The following PUDP variants were observed in gnomAD, a reference collection of about 807,000 sequenced individuals.
The protein encoded by PUDP is pseudouridine 5'-phosphatase.
Under a neutral mutation model 9.4 loss-of-function variants are expected in PUDP, and 8 were observed. The ratio of observed to expected loss-of-function variants is 0.85; its 90% CI spans 0.50 to 1.53. The LOEUF is 1.53. Ranked by LOEUF, PUDP falls within the 40% of genes most tolerant of loss-of-function variation. The pLI is 0.00. For missense variants in PUDP, 188 were observed against 189.7 expected (o/e 0.99, Z 0.05); for synonymous variants, 99 against 80.7 (o/e 1.23, Z -1.22).
At chrX:6,743,600 G>C (rs974981723) in intron 3 of PUDP, among the ~76,000 whole-genome samples, 1 of 112,031 alleles carries the variant, frequency 8.9e-6, no homozygotes, top group Non-Finnish European at 1.9e-5. Context: ...GGGGACATGA[G>C]AGCATGCAAG....
At chrX:7,057,461 T>G in intron 3 of PUDP, 1 of 357,738 alleles carries the variant, frequency 2.8e-6, no homozygotes, top group Non-Finnish European at 4.7e-6. Flanking sequence ...ACAAGAGCAA[T>G]GAATAAAAAT....
At chrX:6,882,195 C>A (rs886643753) in intron 3 of PUDP, among the ~76,000 whole-genome samples, 2 of 110,654 alleles carry the variant, frequency 1.8e-5, no homozygotes, top group Non-Finnish European at 3.8e-5. Flanking sequence ...TTGTGTATCA[C>A]GTGAGACATT....
At chrX:6,749,496 T>C (rs1354509189) in intron 3 of PUDP, among the ~76,000 whole-genome samples, 1 of 111,387 alleles carries the variant, frequency 9.0e-6, no homozygotes, top group Admixed American at 9.5e-5. Context: ...TAACTGAAGC[T>C]GAATTGCAGG....
intron 1 of PUDP, among the ~76,000 whole-genome samples, chrX:7,040,163 C>T (rs1247354273): frequency 8.9e-6 from 1 of 111,954 alleles, no homozygotes; most frequent in East Asian, 2.8e-4. Context: ...CCTTGGCCTG[C>T]ATCCCCACCC....
chrX:6,827,259 T>A (rs5948766), intron 3 of PUDP, among the ~76,000 whole-genome samples: 1 of 110,468 alleles, frequency 9.1e-6, no homozygotes, highest in Non-Finnish European at 1.9e-5. Flanking sequence ...AGGTTCTTGG[T>A]GTCTTGAACA....
chrX:6,865,604 C>A (rs966557624), intron 3 of PUDP, among the ~76,000 whole-genome samples: 1 of 111,950 alleles, frequency 8.9e-6, no homozygotes, highest in African/African-American at 3.2e-5. Context: ...ATTATGTGAA[C>A]AAGTCATTGA....
intron 3 of PUDP, among the ~76,000 whole-genome samples, chrX:6,792,855 C>A (rs1925772798): frequency 8.9e-6 from 1 of 112,664 alleles, no homozygotes; most frequent in Non-Finnish European, 1.9e-5. Flanking sequence ...GGTGAAAAGT[C>A]TTTTCTCTCT....
chrX:6,883,499 G>C (rs1346658040), intron 3 of PUDP, among the ~76,000 whole-genome samples: 1 of 97,280 alleles, frequency 1.0e-5, no homozygotes, highest in African/African-American at 3.9e-5. Flanking sequence ...TCCAGCCTGG[G>C]AGATGGAGTG....
intron 3 of PUDP, among the ~76,000 whole-genome samples, chrX:6,831,782 A>T (rs745594126): frequency 1.2e-4 from 13 of 112,085 alleles, no homozygotes; most frequent in Non-Finnish European, 1.9e-4. Flanking sequence ...ACCTTCTTGA[A>T]ATAGTAAAAG....
At chrX:7,044,244 G>C (rs1418314641), downstream of PUDP, among the ~76,000 whole-genome samples, 1 of 112,295 alleles carries the variant, frequency 8.9e-6, no homozygotes, top group Non-Finnish European at 1.9e-5. Context: ...TCCCCAAGTA[G>C]TAGGCATCTC....
rs191645228 is a variant in PUDP at position 6,809,888 on chromosome X, T to C, written c.*248-103422A>G. Among the ~76,000 whole-genome samples the C allele has an allele frequency of 6.7e-4, 74 of 110,475 alleles. 1 individual carries two copies. The East Asian group carries it at 0.015, about 22-fold the overall frequency. On this transcript the variant is annotated intron_variant and NMD_transcript_variant, in intron 3 of 3. Coordinates refer to the PUDP transcript ENST00000655425. ...AGAGGACATCAGAGCCTGAGCAACATAGCGAGACCCAGTCTCTACAAAAAA... is the reference window on the plus strand; with the variant it reads ...AGAGGACATCAGAGCCTGAGCAACACAGCGAGACCCAGTCTCTACAAAAAA...
intron 3 of PUDP, among the ~76,000 whole-genome samples, chrX:6,743,507 C>T (rs1209025246): frequency 3.6e-5 from 4 of 112,344 alleles, no homozygotes; most frequent in Non-Finnish European, 7.5e-5. Flanking sequence ...CACTTCCATG[C>T]TTTCCATTGC....
At chrX:6,992,032 GC>G (rs1377828474) in intron 1 of PUDP, among the ~76,000 whole-genome samples, 1 of 110,846 alleles carries the variant, frequency 9.0e-6, no homozygotes, top group African/African-American at 3.3e-5. Flanking sequence ...TCCTGAGTTT[GC>G]CTAAATGTCA....
At chrX:6,716,693 C>T (rs5948721) in intron 1 of PUDP, among the ~76,000 whole-genome samples, 18,139 of 109,257 alleles carry the variant, frequency 0.17, 2,200 homozygotes, top group African/African-American at 0.41. Context: ...AGTGCAGTGG[C>T]ACAATCACAG....
intron 1 of PUDP, among the ~76,000 whole-genome samples, chrX:6,712,467 T>C (rs1225428891): frequency 8.9e-6 from 1 of 111,768 alleles, no homozygotes. Context: ...CAAATTCTAG[T>C]GGGAATTTTG....
chrX:6,769,440 A>T (rs1428024475), intron 3 of PUDP, among the ~76,000 whole-genome samples: 1 of 111,670 alleles, frequency 9.0e-6, no homozygotes, highest in Non-Finnish European at 1.9e-5. Context: ...TCATTAATCC[A>T]CAGAGGCAGG....
intron 3 of PUDP, among the ~76,000 whole-genome samples, chrX:6,836,123 T>G (rs1435165240): frequency 9.0e-6 from 1 of 111,718 alleles, no homozygotes; most frequent in Non-Finnish European, 1.9e-5. Flanking sequence ...ATTTTAAAAT[T>G]TGTATTTTAT....
chrX:6,879,562 C>T (rs1351037960), intron 3 of PUDP, among the ~76,000 whole-genome samples: 2 of 111,678 alleles, frequency 1.8e-5, no homozygotes, highest in African/African-American at 3.3e-5. Flanking sequence ...GCAAGTCATT[C>T]CATACCTCTG....
chrX:6,869,765 A>G (rs1162529751), intron 3 of PUDP, among the ~76,000 whole-genome samples: 1 of 111,364 alleles, frequency 9.0e-6, no homozygotes, highest in African/African-American at 3.3e-5. Context: ...AAGGTAACAA[A>G]AGCTGCTGAG....
Sources: gnomAD v4.1 joint callset for allele counts (sites outside exome capture counted in the v4.1 genomes callset) on GRCh38, gnomAD v4.1.1 for gene constraint, MANE v1.5 for transcripts, NCBI Gene and HGNC (gene_info 2026-07-23, HGNC 2026-07-21) for gene names.